PAFAH1B1: variants seen among roughly 807,000 people sequenced by gnomAD.
The protein encoded by PAFAH1B1 is platelet activating factor acetylhydrolase 1b regulatory subunit 1, also known as platelet-activating factor acetylhydrolase IB subunit beta.
Under a neutral mutation model 57.5 loss-of-function variants are expected in PAFAH1B1, and 2 were observed. That is an observed-to-expected ratio of 0.03 (90% CI 0.01 to 0.11). PAFAH1B1 has a LOEUF of 0.11. PAFAH1B1 is among the 10% of genes least tolerant of loss of function. The pLI is 1.00. For missense variants in PAFAH1B1, 257 were observed against 512.0 expected (o/e 0.50, Z 4.81); for synonymous variants, 152 against 169.6 (o/e 0.90, Z 0.81).
At chr17:2,666,907 T>C in intron 4 of PAFAH1B1, 85 bp from the exon 5 acceptor site, 1 of 938,060 alleles carries the variant, frequency 1.1e-6, no homozygotes. Flanking sequence ...ACATACATAG[T>C]TGCAAAATAA....
At chr17:2,594,405 G>T (rs559917682) in intron 1 of PAFAH1B1, among the ~76,000 whole-genome samples, 18 of 152,204 alleles carry the variant, frequency 1.2e-4, no homozygotes, top group Non-Finnish European at 2.6e-4. Flanking sequence ...GTAGCTCTCT[G>T]ATCTTGGGGA....
At chr17:2,665,981 C>A in intron 3 of PAFAH1B1, 35 bp from the exon 4 acceptor site, 1 of 1,420,542 alleles carries the variant, frequency 7.0e-7, no homozygotes, top group Non-Finnish European at 9.6e-7. Context: ...CATAGTTAAG[C>A]CATTTTTTAA....
At chr17:2,597,125 G>A (rs2068091727) in intron 1 of PAFAH1B1, among the ~76,000 whole-genome samples, 1 of 152,152 alleles carries the variant, frequency 6.6e-6, no homozygotes, top group Non-Finnish European at 1.5e-5. Context: ...TTAATCAGGA[G>A]CTTAAGATAA....
intron 1 of PAFAH1B1, among the ~76,000 whole-genome samples, chr17:2,613,089 A>G (rs946480720): frequency 2.0e-5 from 3 of 148,210 alleles, no homozygotes; most frequent in Non-Finnish European, 3.0e-5. Flanking sequence ...GTGTCCATAA[A>G]GTTTTGTTGG....
At chr17:2,654,650 T>C (rs1409989586) in intron 2 of PAFAH1B1, among the ~76,000 whole-genome samples, 3 of 152,126 alleles carry the variant, frequency 2.0e-5, no homozygotes, top group Non-Finnish European at 4.4e-5. Flanking sequence ...TTAGTTTTTG[T>C]TTGTTTTTTG....
chr17:2,602,263 A>G (rs1313271387), intron 1 of PAFAH1B1, among the ~76,000 whole-genome samples: 1 of 151,248 alleles, frequency 6.6e-6, no homozygotes, highest in African/African-American at 2.4e-5. Context: ...AAAAAAAAAC[A>G]AAACAGCGAG....
chr17:2,663,950 C>T (rs1359738073), intron 2 of PAFAH1B1, among the ~76,000 whole-genome samples: 1 of 152,076 alleles, frequency 6.6e-6, no homozygotes, highest in South Asian at 2.1e-4. Flanking sequence ...ACCTCGGGCT[C>T]CCAAAGTGCT....
chr17:2,649,353 A>G (rs1349578833), intron 2 of PAFAH1B1, among the ~76,000 whole-genome samples: 1 of 151,950 alleles, frequency 6.6e-6, no homozygotes, highest in Non-Finnish European at 1.5e-5. Context: ...CGGGTGAATC[A>G]CCTAAGATAA....
chr17:2,676,279 G>A (rs2069266275), intron 8 of PAFAH1B1: 1 of 469,060 alleles, frequency 2.1e-6, no homozygotes, highest in South Asian at 2.1e-5. Context: ...TTGGGAGGCT[G>A]AGGCAGGAGA....
chr17:2,681,027 T>TGTG (rs948456187), intron 10 of PAFAH1B1: 1 of 157,750 alleles, frequency 6.3e-6, no homozygotes, highest in Non-Finnish European at 1.4e-5. Flanking sequence ...TGGGTTACAG[T>TGTG]GTGCTGTGCT....
intron 2 of PAFAH1B1, among the ~76,000 whole-genome samples, chr17:2,643,702 G>C (rs755675581): frequency 5.3e-5 from 8 of 152,070 alleles, no homozygotes; most frequent in African/African-American, 1.9e-4. Flanking sequence ...TGGGGTTACA[G>C]GCAGGCACCA....
At chr17:2,622,402 T>C (rs1312497863) in intron 1 of PAFAH1B1, among the ~76,000 whole-genome samples, 1 of 152,168 alleles carries the variant, frequency 6.6e-6, no homozygotes, top group East Asian at 1.9e-4. Flanking sequence ...AATGCAGCCA[T>C]TCCAAATGGG....
chr17:2,661,784 A>G (rs898382796), intron 2 of PAFAH1B1, among the ~76,000 whole-genome samples: 1 of 151,530 alleles, frequency 6.6e-6, no homozygotes, highest in African/African-American at 2.4e-5. Context: ...TTAGAATGCT[A>G]GAGTATACAG....
chr17:2,644,376 T>C (rs1424400456), intron 2 of PAFAH1B1, among the ~76,000 whole-genome samples: 3 of 152,066 alleles, frequency 2.0e-5, no homozygotes, highest in Non-Finnish European at 4.4e-5. Flanking sequence ...ACCCCATCTC[T>C]ACTAAAAATA....
intron 5 of PAFAH1B1, among the ~76,000 whole-genome samples, chr17:2,669,047 T>C (rs753676231): frequency 6.6e-6 from 1 of 152,134 alleles, no homozygotes; most frequent in Non-Finnish European, 1.5e-5. Context: ...GATAAGATTT[T>C]GATAAAGTAG....
At chr17:2,676,336 C>T (rs2069267448) in intron 8 of PAFAH1B1, 169 bp from the exon 9 acceptor site, 1 of 585,418 alleles carries the variant, frequency 1.7e-6, no homozygotes, top group African/African-American at 1.9e-5. Context: ...CAAGATTGCA[C>T]CACGGTACTC....
intron 1 of PAFAH1B1, among the ~76,000 whole-genome samples, chr17:2,630,004 G>A (rs974774859): frequency 6.6e-6 from 1 of 152,076 alleles, no homozygotes; most frequent in African/African-American, 2.4e-5. Flanking sequence ...TCCTGAACAG[G>A]AGGCTGCAGA....
chr17:2,684,236 T>A lies in PAFAH1B1; in HGVS notation c.*2434T>A, dbSNP rs1311847116. On this transcript the variant is annotated 3_prime_UTR_variant, in exon 11 of 11. Transcript: ENST00000397195. The stretch of plus-strand genomic sequence containing the variant: ...ATAACGAAGGGGTGGGGGAGAGCAG[T>A]CCGTCTACAACCTGGAATCAGATTT... 6.6e-6 allele frequency: 1 copy of A among 152,640 alleles called. No homozygotes were observed. Among genetic ancestry groups the A allele is most frequent in the Non-Finnish European group, 1.5e-5 (1 of 68,096 alleles). 9.5% of individuals were successfully genotyped at this position (152,640 alleles called of 1,614,324 possible).
rs67749703 is a variant in PAFAH1B1, at chr17:2,602,251, G to GAA, written c.-191+8254_-191+8255dup. Among the ~76,000 whole-genome samples, 264 of 144,702 alleles carry GAA rather than the reference G, an allele frequency of 1.8e-3. 1 individual carries two copies. Among genetic ancestry groups the GAA allele is most frequent in the Non-Finnish European group, 3.0e-3 (200 of 66,156 alleles). 94.9% of individuals were successfully genotyped at this position (144,702 alleles called of 152,430 possible). A position where few individuals can be genotyped will look rare whatever the true frequency, so the allele number is the denominator to read the frequency against. Reference sequence around the variant, plus strand: ...TAAAGAGAAATTATCTCCACCTACTGAAAAAAAAAACAAAACAGCGAGGGC... The same window carrying GAA: ...TAAAGAGAAATTATCTCCACCTACTGAAAAAAAAAAAACAAAACAGCGAGGGC... On this transcript the variant is annotated intron_variant, in intron 1 of 10. Transcript: ENST00000397195.
Sources: gnomAD v4.1 joint callset for allele counts (sites outside exome capture counted in the v4.1 genomes callset) on GRCh38, gnomAD v4.1.1 for gene constraint, MANE v1.5 for transcripts, NCBI Gene and HGNC (gene_info 2026-07-23, HGNC 2026-07-21) for gene names.